Variants in PTPN4 observed in about 807,000 individuals in gnomAD.
The protein encoded by PTPN4 is tyrosine-protein phosphatase non-receptor type 4.
In PTPN4, 49 loss-of-function variants were observed where a neutral mutation model predicts 135.5. The observed-to-expected ratio is 0.36, with a 90% CI of 0.29 to 0.46. PTPN4 has a LOEUF of 0.46. PTPN4 is among the 20% of genes least tolerant of loss of function. PTPN4 has a pLI of 1.00. For synonymous variants in PTPN4, 333 were observed against 369.9 expected (o/e 0.90, Z 1.14); for missense variants, 860 against 1,101.0 (o/e 0.78, Z 3.10).
chr2:119,898,353 C>T (rs1346326053), intron 9 of PTPN4, among the ~76,000 whole-genome samples: 1 of 152,062 alleles, frequency 6.6e-6, no homozygotes, highest in Non-Finnish European at 1.5e-5. Flanking sequence ...ATTGTGGGCA[C>T]ACAAAACATA....
intron 3 of PTPN4, among the ~76,000 whole-genome samples, chr2:119,865,198 A>G (rs921657469): frequency 6.6e-6 from 1 of 152,140 alleles, no homozygotes; most frequent in Non-Finnish European, 1.5e-5. Flanking sequence ...AAGAGCACAA[A>G]TCTTGTAAGT....
chr2:119,881,948 G>A, intron 6 of PTPN4, 118 bp downstream of exon 6: 1 of 1,039,510 alleles, frequency 9.6e-7, no homozygotes, highest in Non-Finnish European at 1.5e-6. Flanking sequence ...GTTACATGTA[G>A]TGTGAATTCC....
chr2:119,939,771 A>T (rs1476005112), intron 15 of PTPN4, among the ~76,000 whole-genome samples: 1 of 152,096 alleles, frequency 6.6e-6, no homozygotes, highest in African/African-American at 2.4e-5. Flanking sequence ...GGCACTGATG[A>T]TTTCCATCTA....
chr2:119,808,048 AT>A (rs1691511640), intron 1 of PTPN4, among the ~76,000 whole-genome samples: 1 of 152,358 alleles, frequency 6.6e-6, no homozygotes, highest in Admixed American at 6.5e-5. Context: ...AAAACTTTCA[AT>A]AAACTAGGTA....
At chr2:119,808,422 A>G (rs1266691841) in intron 1 of PTPN4, among the ~76,000 whole-genome samples, 1 of 152,288 alleles carries the variant, frequency 6.6e-6, no homozygotes, top group East Asian at 1.9e-4. Context: ...AAGCATTCCT[A>G]TACACCAATA....
chr2:119,771,577 A>G (rs1285681637), intron 1 of PTPN4: 3 of 152,120 alleles, frequency 2.0e-5, no homozygotes, highest in African/African-American at 2.4e-5. Flanking sequence ...TCTGACCTCT[A>G]CAATGCTAAA....
In PTPN4 at chr2:119,934,697, C is replaced by A. The variant is rs186793142; in HGVS notation, c.1197-103C>A. 259 of 1,202,318 alleles carry A rather than the reference C, an allele frequency of 2.2e-4. 1 individual carries two copies. The African/African-American group carries it at 3.6e-3, about 17-fold the overall frequency. 74.5% of individuals were successfully genotyped at this position (1,202,318 alleles called of 1,614,324 possible). On this transcript the variant is annotated intron_variant, in intron 14 of 26. Coordinates refer to ENST00000263708, the MANE Select transcript of PTPN4 (RefSeq NM_002830.4). ...AGATTGCTTAGTCAACATGGCTTGACTTAAAAACACATACCCCCTTTCTGA... is the reference window on the plus strand; with the variant it reads ...AGATTGCTTAGTCAACATGGCTTGAATTAAAAACACATACCCCCTTTCTGA...
chr2:119,968,197 A>G (rs1028875207), intron 26 of PTPN4, among the ~76,000 whole-genome samples: 3 of 152,204 alleles, frequency 2.0e-5, no homozygotes, highest in Non-Finnish European at 2.9e-5. Flanking sequence ...ATGCTCATTT[A>G]TCTATGCCTG....
In PTPN4 at chr2:119,760,157, G is replaced by C. The variant is rs767151899; in HGVS notation, c.-245G>C. On this transcript the variant is annotated 5_prime_UTR_variant, in exon 1 of 27. Transcript: ENST00000263708. ...TGCAGGGAGGTAGGAGAGGTCGCCG[G>C]CTGCCCGCCTCCCTGCCACCTCCCC... is the stretch of plus-strand genomic sequence containing the variant. 4.8e-4 allele frequency: 189 copies of C among 393,240 alleles called. No individual in the cohort carries two copies. Among genetic ancestry groups the C allele is most frequent in the Non-Finnish European group, 6.1e-4 (135 of 222,790 alleles). 24.4% of individuals were successfully genotyped at this position (393,240 alleles called of 1,614,324 possible).
intron 1 of PTPN4, among the ~76,000 whole-genome samples, chr2:119,773,474 A>G (rs948548139): frequency 2.0e-5 from 3 of 152,216 alleles, no homozygotes; most frequent in Non-Finnish European, 4.4e-5. Flanking sequence ...GCGGTGGCTC[A>G]TGCCTGTAAT....
At chr2:119,838,459 T>C (rs1677329164) in intron 2 of PTPN4, among the ~76,000 whole-genome samples, 1 of 152,212 alleles carries the variant, frequency 6.6e-6, no homozygotes, top group African/African-American at 2.4e-5. Context: ...TCCAAAGTAT[T>C]TTCCCCTGCT....
chr2:119,761,048 G>A (rs1250364126), intron 1 of PTPN4, among the ~76,000 whole-genome samples: 1 of 152,074 alleles, frequency 6.6e-6, no homozygotes, highest in Non-Finnish European at 1.5e-5. Context: ...GTATGTACAA[G>A]GACGATTTGT....
chr2:119,949,373 G>T (rs1417121152), intron 18 of PTPN4, among the ~76,000 whole-genome samples: 1 of 152,106 alleles, frequency 6.6e-6, no homozygotes, highest in Middle Eastern at 3.2e-3. Context: ...AAAGGTTTCT[G>T]TTTTTGTATG....
At chr2:119,956,416 T>TC (rs1679283755) in intron 20 of PTPN4, among the ~76,000 whole-genome samples, 1 of 152,102 alleles carries the variant, frequency 6.6e-6, no homozygotes, top group East Asian at 1.9e-4. Flanking sequence ...GAAATGACCA[T>TC]CATTAATATT....
At chr2:119,899,767 A>G (rs1678377763) in intron 9 of PTPN4, among the ~76,000 whole-genome samples, 3 of 152,124 alleles carry the variant, frequency 2.0e-5, no homozygotes, top group Non-Finnish European at 4.4e-5. Flanking sequence ...AATGTTGATT[A>G]TTGCTAGTCA....
intron 9 of PTPN4, among the ~76,000 whole-genome samples, chr2:119,894,022 G>C (rs1449216813): frequency 1.3e-5 from 2 of 152,076 alleles, no homozygotes; most frequent in Non-Finnish European, 1.5e-5. Flanking sequence ...TCCTTCTTAG[G>C]GCTTTATGTA....
intron 3 of PTPN4, among the ~76,000 whole-genome samples, chr2:119,876,990 A>G (rs771977426): frequency 2.0e-5 from 3 of 151,890 alleles, no homozygotes; most frequent in Non-Finnish European, 4.4e-5. Flanking sequence ...TTTAAGAAAT[A>G]TAGTTAGATT....
At chr2:119,902,866 T>C (rs1013408507) in intron 10 of PTPN4, among the ~76,000 whole-genome samples, 3 of 152,120 alleles carry the variant, frequency 2.0e-5, no homozygotes, top group Admixed American at 6.5e-5. Flanking sequence ...CACCATGGCA[T>C]TGTTTCAGAG....
intron 2 of PTPN4, among the ~76,000 whole-genome samples, chr2:119,859,714 C>G (rs910933055): frequency 2.0e-5 from 3 of 152,174 alleles, no homozygotes; most frequent in Non-Finnish European, 4.4e-5. Context: ...CTGCTTAACA[C>G]CACCCTAGAG....
Sources: gnomAD v4.1 joint callset for allele counts (sites outside exome capture counted in the v4.1 genomes callset) on GRCh38, gnomAD v4.1.1 for gene constraint, MANE v1.5 for transcripts, NCBI Gene and HGNC (gene_info 2026-07-23, HGNC 2026-07-21) for gene names.